The following MAOB variants were observed in gnomAD, a reference collection of about 807,000 sequenced individuals.
MAOB encodes monoamine oxidase B, also known as amine oxidase [flavin-containing] B.
In MAOB, 15 loss-of-function variants were observed where a neutral mutation model predicts 41.9. The ratio of observed to expected loss-of-function variants is 0.36; its 90% CI spans 0.24 to 0.55. The LOEUF is 0.55. MAOB is among the 20% of genes least tolerant of loss of function. The pLI, the probability that MAOB is intolerant of heterozygous loss-of-function variation, is 0.86. For synonymous variants in MAOB, 167 were observed against 144.2 expected (o/e 1.16, Z -1.13); for missense variants, 345 against 398.7 (o/e 0.87, Z 1.15).
chrX:43,836,573 A>G, intron 3 of MAOB, among the ~76,000 whole-genome samples: 1 of 112,239 alleles, frequency 8.9e-6, no homozygotes, highest in Non-Finnish European at 1.9e-5. Context: ...ATGTGCATAC[A>G]ATTTCTTAAA....
At chrX:43,775,080 A>ATT in intron 12 of MAOB, 95 bp downstream of exon 12, 1 of 567,082 alleles carries the variant, frequency 1.8e-6, no homozygotes, top group Non-Finnish European at 2.1e-6. Context: ...TTTTGTATTT[A>ATT]TAAGAAACAA....
chrX:43,849,563 G>C (rs1463823317), intron 1 of MAOB, among the ~76,000 whole-genome samples: 1 of 112,874 alleles, frequency 8.9e-6, no homozygotes, highest in East Asian at 2.8e-4. Flanking sequence ...CAAACGGCTT[G>C]GCTGGCAGAG....
At chrX:43,777,302 G>C (rs1038208430) in intron 11 of MAOB, among the ~76,000 whole-genome samples, 5 of 111,173 alleles carry the variant, frequency 4.5e-5, no homozygotes, top group Non-Finnish European at 5.7e-5. Context: ...AGTATATACT[G>C]TATTTTTTGT....
chrX:43,834,232 G>T (rs1295487440), intron 3 of MAOB, among the ~76,000 whole-genome samples: 1 of 111,691 alleles, frequency 9.0e-6, no homozygotes, highest in Non-Finnish European at 1.9e-5. Flanking sequence ...AAAAACAAGA[G>T]TTGGTCTAAC....
In MAOB at chrX:43,847,807, A is replaced by G. The variant is rs182511384; in HGVS notation, c.47-4043T>C. ...AAAAAGCTAATGACACTTGAATTTA[A>G]CATGCAGTATCAATTATAATCTCAC... On this transcript the variant is annotated intron_variant, in intron 1 of 14. Coordinates refer to ENST00000378069, the MANE Select transcript of MAOB (RefSeq NM_000898.5). 3.7e-3 allele frequency among the ~76,000 whole-genome samples: 420 copies of G among 112,333 alleles called. 3 individuals are homozygous for G. The highest frequency in any genetic ancestry group is 0.011 in the African/African-American group (354 of 30,909).
Position 43,777,914 on chromosome X carries a change from C to T in MAOB, c.1137+768G>A, listed in dbSNP as rs187196502. 5.0e-3 allele frequency among the ~76,000 whole-genome samples: 554 copies of T among 111,767 alleles called. 2 individuals carry two copies. Among genetic ancestry groups the T allele is most frequent in the South Asian group, 0.016 (43 of 2,640 alleles). ...GATGAATGTCATGAGAACACCAATT[C>T]ATCATTTTAAATATTGATGAGGGAG... On this transcript the variant is annotated intron_variant, in intron 11 of 14. Transcript: ENST00000378069.
At chrX:43,839,220 A>T (rs1230792077) in intron 2 of MAOB, among the ~76,000 whole-genome samples, 1 of 112,054 alleles carries the variant, frequency 8.9e-6, no homozygotes, top group East Asian at 2.8e-4. Context: ...AACTCTGAAT[A>T]GGCAAGAGCT....
chrX:43,823,380 C>T (rs1465525519), intron 3 of MAOB, among the ~76,000 whole-genome samples: 1 of 109,308 alleles, frequency 9.1e-6, no homozygotes, highest in Non-Finnish European at 1.9e-5. Context: ...ACCATGTTGG[C>T]CAGGCTGATC....
At chrX:43,826,932 C>A (rs897768626) in intron 3 of MAOB, among the ~76,000 whole-genome samples, 3 of 111,766 alleles carry the variant, frequency 2.7e-5, no homozygotes, top group Non-Finnish European at 5.6e-5. Context: ...AAGTATCTGC[C>A]GTCATGGAAC....
chrX:43,857,157 AGAGAG>A (rs1569230951), intron 1 of MAOB, among the ~76,000 whole-genome samples: 28 of 60,445 alleles, frequency 4.6e-4, no homozygotes, highest in African/African-American at 1.1e-3. Context: ...AGAGAGAGAG[AGAGAG>A]AGAAGAAGAG....
chrX:43,840,829 G>A (rs2035127020), intron 2 of MAOB, among the ~76,000 whole-genome samples: 1 of 110,338 alleles, frequency 9.1e-6, no homozygotes, highest in Admixed American at 9.6e-5. Flanking sequence ...TATGCCACCA[G>A]GGCCCTGGGT....
chrX:43,844,746 T>G (rs1022923508), intron 1 of MAOB: 1 of 112,405 alleles, frequency 8.9e-6, no homozygotes, highest in Non-Finnish European at 1.9e-5. Context: ...CCTTTGGACA[T>G]CAGACTCCAG....
In MAOB at chrX:43,848,506, TG is replaced by T. The variant is rs1346974118; in HGVS notation, c.47-4743del. On this transcript the variant is annotated intron_variant, in intron 1 of 14. Transcript: ENST00000378069. ...AACTATATAGGCATTCCCTTGGGAC[TG>T]TTTTTTTTTTTATGTTGTTGTTGTC... Among the ~76,000 whole-genome samples, 3 of 109,686 alleles carry T rather than the reference TG, an allele frequency of 2.7e-5. No individual in the cohort carries two copies. The East Asian group carries it at 9.0e-4, about 33-fold the overall frequency.
At chrX:43,816,190 C>T (rs1459472599) in intron 3 of MAOB, among the ~76,000 whole-genome samples, 1 of 111,878 alleles carries the variant, frequency 8.9e-6, no homozygotes, top group Admixed American at 9.5e-5. Context: ...AGTCAGGATA[C>T]TGGCTCTCCT....
chrX:43,815,519 C>G (rs2034800733), intron 3 of MAOB, among the ~76,000 whole-genome samples: 1 of 111,937 alleles, frequency 8.9e-6, no homozygotes, highest in African/African-American at 3.2e-5. Flanking sequence ...TATAAGAAAG[C>G]TGAAAACTGG....
At chrX:43,870,429 A>C (rs1399472783) in intron 1 of MAOB, among the ~76,000 whole-genome samples, 11 of 111,379 alleles carry the variant, frequency 9.9e-5, no homozygotes, top group African/African-American at 3.3e-4. Context: ...TCAGGGCACC[A>C]AAGAGTGCTT....
At chrX:43,810,242 CAAAAAAA>C (rs143045804) in intron 3 of MAOB, among the ~76,000 whole-genome samples, 3 of 37,686 alleles carry the variant, frequency 8.0e-5, no homozygotes, top group African/African-American at 1.5e-4. Context: ...GACTCTGTCT[CAAAAAAA>C]AAAAAAAAAA....
At chrX:43,815,400 C>A (rs1055453224) in intron 3 of MAOB, among the ~76,000 whole-genome samples, 5 of 111,810 alleles carry the variant, frequency 4.5e-5, no homozygotes, top group African/African-American at 1.6e-4. Context: ...AGTGTTCTGG[C>A]CTTGAATAAT....
Position 43,838,990 on chromosome X carries a change from AT to A in MAOB, c.156del (p.Lys52AsnfsTer18). ...ACATAGGATCCTCCAAGGTCCACAT[AT>A]TTAACCTTTTGGTTCTGTTTTCCCA... Reference protein sequence around the residue: ...RTYTLRNQKVKYVDLGGSYVG... With the variant: ...RTYTLRNQKVXYVDLGGSYVG... On this transcript the variant is annotated frameshift_variant, in exon 3 of 15. Transcript: ENST00000378069. LOFTEE classifies it high-confidence loss of function. 8.5e-7 allele frequency: 1 copy of A among 1,180,129 alleles called. No individual in the cohort carries two copies. The highest frequency in any genetic ancestry group is 1.1e-6 in the Non-Finnish European group (1 of 880,985).
Sources: allele counts gnomAD v4.1 joint callset (sites outside exome capture counted in the v4.1 genomes callset), GRCh38; gene constraint gnomAD v4.1.1; transcripts MANE v1.5; gene names NCBI Gene and HGNC (gene_info 2026-07-23, HGNC 2026-07-21).